The following CACNA2D2 variants were observed in gnomAD, a reference collection of about 807,000 sequenced individuals.
CACNA2D2 encodes the protein calcium voltage-gated channel auxiliary subunit alpha2delta 2.
A neutral mutation model predicts 166.4 loss-of-function variants in CACNA2D2; 48 were observed. That is an observed-to-expected ratio of 0.29 (90% CI 0.23 to 0.37). The LOEUF is 0.37. Ranked by LOEUF, CACNA2D2 falls within the 10% of genes least tolerant of loss-of-function variation. CACNA2D2 has a pLI of 1.00. For missense variants in CACNA2D2, 1,122 were observed against 1,433.0 expected (o/e 0.78, Z 3.50); for synonymous variants, 561 against 573.7 (o/e 0.98, Z 0.32).
intron 1 of CACNA2D2, among the ~76,000 whole-genome samples, chr3:50,490,600 A>C (rs1227703620): frequency 6.6e-6 from 1 of 152,206 alleles, no homozygotes; most frequent in Non-Finnish European, 1.5e-5. Context: ...TGGCTCCAGC[A>C]AAGCCAGGCT....
intron 1 of CACNA2D2, among the ~76,000 whole-genome samples, chr3:50,491,584 A>C (rs1698524199): frequency 6.6e-6 from 1 of 152,034 alleles, no homozygotes; most frequent in South Asian, 2.1e-4. Context: ...AAGGATGGAG[A>C]GGTGGGAGAA....
At chr3:50,440,811 T>C (rs915000754) in intron 2 of CACNA2D2, among the ~76,000 whole-genome samples, 5 of 151,714 alleles carry the variant, frequency 3.3e-5, no homozygotes, top group Non-Finnish European at 7.4e-5. Flanking sequence ...CCCAGACAGG[T>C]GGCAGTAGAC....
At position 50,363,559 on chromosome 3, in the gene CACNA2D2, A is replaced by AG. The variant is rs1205467761; in HGVS notation, c.*1106dup. ...GTGTGTGTAGGGGTGGGAAGGAGAT[A>AG]GGGAGTGGGCACAGGCCTGAGTGTG... On this transcript the variant is annotated 3_prime_UTR_variant, in exon 38 of 38. Coordinates refer to ENST00000424201, the MANE Select transcript of CACNA2D2 (RefSeq NM_006030.4). The AG allele has an allele frequency of 3.1e-6, 1 of 322,834 alleles. No individual in the cohort carries two copies. Among genetic ancestry groups the AG allele is most frequent in the Non-Finnish European group, 5.6e-6 (1 of 180,034 alleles). The allele number at this position is 322,834 out of a possible 1,614,324, so 20.0% of individuals were successfully genotyped here. A position where few individuals can be genotyped will look rare whatever the true frequency, so the allele number is the denominator to read the frequency against.
At chr3:50,448,072 C>T (rs535401922) in intron 2 of CACNA2D2, among the ~76,000 whole-genome samples, 2 of 152,270 alleles carry the variant, frequency 1.3e-5, no homozygotes, top group African/African-American at 4.8e-5. Context: ...TATCACTTCC[C>T]CCTACCCTAG....
chr3:50,475,929 G>A (rs1191490298), intron 2 of CACNA2D2, among the ~76,000 whole-genome samples, 189 bp downstream of exon 2: 1 of 152,200 alleles, frequency 6.6e-6, no homozygotes, highest in Admixed American at 6.5e-5. Context: ...GTTGCCTCAG[G>A]AAGAGCAGGC....
chr3:50,501,377 C>T (rs1406649402), intron 1 of CACNA2D2, among the ~76,000 whole-genome samples: 3 of 144,598 alleles, frequency 2.1e-5, no homozygotes, highest in Non-Finnish European at 4.5e-5. Context: ...AGCGGCACAG[C>T]CCCCACCCCA....
chr3:50,400,347 C>A (rs1417648887), intron 3 of CACNA2D2, among the ~76,000 whole-genome samples: 1 of 152,222 alleles, frequency 6.6e-6, no homozygotes, highest in Admixed American at 6.5e-5. Flanking sequence ...CTGCTCCAAG[C>A]AGGTGCGTCC....
At position 50,427,297 on chromosome 3, in the gene CACNA2D2, C is replaced by T. The variant is rs1419192378; in HGVS notation, c.405+7016G>A. ...GTAGGCGGAGGGCCCCAAGGGTGCC[C>T]ACACAATGGGTGTCCAACAGATTCC... is the stretch of plus-strand genomic sequence containing the variant. On this transcript the variant is annotated intron_variant, in intron 3 of 37. Transcript: ENST00000424201. The surrounding 1 kb of genome is among the most constrained non-coding windows in gnomAD (Gnocchi z 4.7). Among the ~76,000 whole-genome samples the T allele has an allele frequency of 6.6e-6, 1 of 152,208 alleles. No individual in the cohort carries two copies. Among genetic ancestry groups the T allele is most frequent in the Non-Finnish European group, 1.5e-5 (1 of 68,034 alleles).
chr3:50,395,101 C>T (rs1575622748), intron 3 of CACNA2D2, among the ~76,000 whole-genome samples: 1 of 152,212 alleles, frequency 6.6e-6, no homozygotes, highest in Admixed American at 6.5e-5. Context: ...AGTCTGGCCT[C>T]GGGGGCCTTC....
chr3:50,413,414 G>C (rs1231467723), intron 3 of CACNA2D2, among the ~76,000 whole-genome samples: 1 of 152,158 alleles, frequency 6.6e-6, no homozygotes, highest in East Asian at 1.9e-4. Flanking sequence ...CTCAGCCCTG[G>C]GTCAGAGACC....
intron 1 of CACNA2D2, 36 bp downstream of exon 1, chr3:50,503,182 T>C: frequency 8.6e-7 from 1 of 1,158,238 alleles, no homozygotes; most frequent in Non-Finnish European, 1.1e-6. Flanking sequence ...GGCGCAAGGC[T>C]CGGCCGGGGT....
intron 1 of CACNA2D2, among the ~76,000 whole-genome samples, chr3:50,496,482 A>G (rs570341871): frequency 6.6e-6 from 1 of 152,354 alleles, no homozygotes; most frequent in South Asian, 2.1e-4. Context: ...GCCAAACACA[A>G]GAGGAAAGAC....
chr3:50,389,174 C>T (rs912983640), intron 4 of CACNA2D2, among the ~76,000 whole-genome samples: 3 of 152,174 alleles, frequency 2.0e-5, no homozygotes, highest in South Asian at 2.1e-4. Context: ...GGGCGGAGGC[C>T]GGGCCCAAGC....
rs1178298868 is a variant in CACNA2D2 at position 50,381,029 on chromosome 3, G to A, written c.750C>T (p.Phe250=). 2.5e-6 allele frequency: 4 copies of A among 1,613,886 alleles called. No individual in the cohort carries two copies. The East Asian group carries it at 6.7e-5, about 27-fold the overall frequency. The change falls in exon 7 of 38, where the codon TTC becomes TTT. Residue 250 remains phenylalanine (F), a synonymous_variant. Coordinates refer to ENST00000424201, the MANE Select transcript of CACNA2D2 (RefSeq NM_006030.4). Reference sequence around the variant, plus strand: ...AGCGAGTGACTCCTGTGGCGCTGCCGAAGACCTGCCACAGCAGTGTGGGGT... The same window carrying A: ...AGCGAGTGACTCCTGTGGCGCTGCCAAAGACCTGCCACAGCAGTGTGGGGT... ...RQDPTLLWQV[F]GSATGVTRYY...
rs587678693 is a variant in CACNA2D2 at position 50,375,073 on chromosome 3, C to T, written c.1908-260G>A. ...ATCCCCACACCATCTCCCCTCCCAG[C>T]AGCCTCTCACAACAGCCCCCTGCCC... On this transcript the variant is annotated intron_variant, in intron 21 of 37. Transcript: ENST00000424201. This position sits in a 1 kb window ranked among gnomAD's most constrained non-coding sequence, Gnocchi z 4.0. 6.6e-6 allele frequency among the ~76,000 whole-genome samples: 1 copy of T among 152,322 alleles called. No homozygotes were observed. Among genetic ancestry groups the T allele is most frequent in the Non-Finnish European group, 1.5e-5 (1 of 68,024 alleles).
At chr3:50,435,649 T>TG (rs940620258) in intron 2 of CACNA2D2, among the ~76,000 whole-genome samples, 8 of 35,450 alleles carry the variant, frequency 2.3e-4, no homozygotes, top group Non-Finnish European at 3.8e-4. Flanking sequence ...GGGGATGGGG[T>TG]GGGGGGGTTG....
chr3:50,477,689 T>C (rs1697850130), intron 1 of CACNA2D2, among the ~76,000 whole-genome samples: 2 of 152,090 alleles, frequency 1.3e-5, no homozygotes, highest in South Asian at 4.2e-4. Flanking sequence ...ACCATGAAGA[T>C]TTAAATAAGC....
chr3:50,377,354 C>A, intron 17 of CACNA2D2, 113 bp downstream of exon 17: 1 of 862,990 alleles, frequency 1.2e-6, no homozygotes, highest in Admixed American at 2.3e-5. Context: ...TTCCCCGACC[C>A]CTGAACTCAG....
At chr3:50,416,648 C>T (rs1336030243) in intron 3 of CACNA2D2, among the ~76,000 whole-genome samples, 3 of 152,206 alleles carry the variant, frequency 2.0e-5, no homozygotes, top group East Asian at 1.9e-4. Flanking sequence ...AGTGGGGCCA[C>T]GTTAGACCTA....
Sources: allele counts gnomAD v4.1 joint callset (sites outside exome capture counted in the v4.1 genomes callset), GRCh38; gene constraint gnomAD v4.1.1; non-coding constraint Gnocchi (gnomAD v3.1); transcripts MANE v1.5; gene names NCBI Gene and HGNC (gene_info 2026-07-23, HGNC 2026-07-21).